Variants in GAL3ST2 observed in about 807,000 individuals in gnomAD.
GAL3ST2 encodes the protein beta-galactose-3-O-sulfotransferase 2.
GAL3ST2 carries 16 observed loss-of-function variants against 12.9 expected under a neutral mutation model. The ratio of observed to expected loss-of-function variants is 1.24; its 90% CI spans 0.84 to 1.88. GAL3ST2 has a LOEUF of 1.88. GAL3ST2 is among the 40% of genes most tolerant of loss of function. The pLI, the probability that GAL3ST2 is intolerant of heterozygous loss-of-function variation, is 0.00. For missense variants in GAL3ST2, 639 were observed against 571.8 expected (o/e 1.12, Z -1.20); for synonymous variants, 302 against 273.9 (o/e 1.10, Z -1.01).
At chr2:241,796,731 G>A (rs1699775763) in intron 1 of GAL3ST2, among the ~76,000 whole-genome samples, 1 of 152,204 alleles carries the variant, frequency 6.6e-6, no homozygotes, top group South Asian at 2.1e-4. Context: ...GGGAGACAGA[G>A]TGGTCCTGAC....
chr2:241,790,341 CT>C, intron 1 of GAL3ST2, among the ~76,000 whole-genome samples: 2 of 152,264 alleles, frequency 1.3e-5, no homozygotes, highest in East Asian at 3.9e-4. Context: ...ACTAAAGAAT[CT>C]TTTTGACCTT....
intron 1 of GAL3ST2, among the ~76,000 whole-genome samples, chr2:241,777,703 C>CT (rs1426481051): frequency 6.6e-6 from 1 of 152,212 alleles, no homozygotes; most frequent in Non-Finnish European, 1.5e-5. Context: ...AGGACACTGG[C>CT]TGAGGACACC....
At position 241,801,975 on chromosome 2, in the gene GAL3ST2, G is replaced by A. The variant is rs1357569849; in HGVS notation, c.314G>A (p.Gly105Asp). The change falls in exon 3 of 4, where the codon GGC becomes GAC. Residue 105 changes from glycine (G) to aspartate (D), a missense_variant. By Grantham distance (94) the Gly-to-Asp change is moderately conservative. Coordinates refer to ENST00000192314, the MANE Select transcript of GAL3ST2 (RefSeq NM_022134.3). This position sits in a 1 kb window ranked among gnomAD's most constrained non-coding sequence, Gnocchi z 4.4. Reference sequence around the variant, plus strand: ...CTCTTCCTGGCGCGCTACGTGGAAGGCGTGGGGTCGCAGCAGCGCTTCAAC... The same window carrying A: ...CTCTTCCTGGCGCGCTACGTGGAAGACGTGGGGTCGCAGCAGCGCTTCAAC... ...PWLFLARYVE[G>D]VGSQQRFNIM... 6.2e-7 allele frequency: 1 copy of A among 1,612,962 alleles called. No homozygotes were observed. Among genetic ancestry groups the A allele is most frequent in the African/African-American group, 1.3e-5 (1 of 75,046 alleles).
At position 241,801,726 on chromosome 2, in the gene GAL3ST2, CG is replaced by C. The variant is rs1699849941; in HGVS notation, c.120-50del. 13 of 1,545,074 alleles carry C rather than the reference CG, an allele frequency of 8.4e-6. No individual in the cohort carries two copies. In the African/African-American group the frequency reaches 1.1e-4, roughly 13 times the overall value. ...TGCCGGGCTGGGGGTCGCTGTTGGG[CG>C]GGGGTTGGGGCATCTGCACCCTTGC... On this transcript the variant is annotated intron_variant, in intron 2 of 3. Coordinates refer to ENST00000192314, the MANE Select transcript of GAL3ST2 (RefSeq NM_022134.3). This position sits in a 1 kb window ranked among gnomAD's most constrained non-coding sequence, Gnocchi z 4.4.
rs149986912 is a variant in GAL3ST2, at chr2:241,801,831, T to C, written c.170T>C (p.Leu57Pro). ...EGPPVTNIMFLKTHKTASSTV... is the reference protein window; with the variant it reads ...EGPPVTNIMFPKTHKTASSTV... ...CCGCCGGTCACCAACATCATGTTCC[T>C]GAAGACGCACAAGACGGCCAGCAGC... is the stretch of plus-strand genomic sequence containing the variant. Residue 57 changes from leucine to proline, a missense_variant, in exon 3 of 4, where the codon CTG becomes CCG. Transcript: ENST00000192314. This position sits in a 1 kb window ranked among gnomAD's most constrained non-coding sequence, Gnocchi z 4.4. 44 of 1,612,790 alleles carry C rather than the reference T, an allele frequency of 2.7e-5. No homozygotes were observed. Among genetic ancestry groups the C allele is most frequent in the Middle Eastern group, 1.6e-4 (1 of 6,082 alleles).
At chr2:241,792,082 C>A (rs1413889667) in intron 1 of GAL3ST2, among the ~76,000 whole-genome samples, 1 of 147,664 alleles carries the variant, frequency 6.8e-6, no homozygotes, top group African/African-American at 2.5e-5. Flanking sequence ...GGCATGATCT[C>A]GGCTCACTGC....
rs561034653 is a variant in GAL3ST2 at position 241,800,138 on chromosome 2, G to A, written c.119+984G>A. On this transcript the variant is annotated intron_variant, in intron 2 of 3. Transcript: ENST00000192314. The surrounding 1 kb of genome is among the most constrained non-coding windows in gnomAD (Gnocchi z 5.2). ...GGATGGGTCTGAGGACACTGTCTCC[G>A]TGGGGCCCTGAGGCTGGGGCTGAGG... is the stretch of plus-strand genomic sequence containing the variant. 1.3e-5 allele frequency among the ~76,000 whole-genome samples: 2 copies of A among 152,348 alleles called. No individual in the cohort carries two copies. The highest frequency in any genetic ancestry group is 1.5e-5 in the Non-Finnish European group (1 of 68,034).
intron 1 of GAL3ST2, among the ~76,000 whole-genome samples, chr2:241,779,670 A>C (rs1275412426): frequency 6.6e-6 from 1 of 151,926 alleles, no homozygotes; most frequent in African/African-American, 2.4e-5. Context: ...CTGAAGTCCA[A>C]ACATCAGTAG....
chr2:241,803,509 C>T lies in GAL3ST2; in HGVS notation c.540C>T (p.Asp180=), dbSNP rs1413344029. Residue 180 remains aspartate, a synonymous_variant, in exon 4 of 4, where the codon GAC becomes GAT. Transcript: ENST00000192314. ...CCTCGCCGCGGACGTTCTACAACGA[C>T]AGCCGCCACCTCAGGAACGTCTACG... is the stretch of plus-strand genomic sequence containing the variant. ...FLASPRTFYN[D]SRHLRNVYAK... is the part of the protein sequence containing the mutation. The T allele has an allele frequency of 5.0e-6, 8 of 1,611,248 alleles. No individual in the cohort carries two copies. Among genetic ancestry groups the T allele is most frequent in the East Asian group, 2.2e-5 (1 of 44,862 alleles).
chr2:241,790,802 C>G (rs1431081739), intron 1 of GAL3ST2, among the ~76,000 whole-genome samples: 1 of 152,186 alleles, frequency 6.6e-6, no homozygotes, highest in Non-Finnish European at 1.5e-5. Context: ...GCCAGGCACC[C>G]TTTTAGGTCT....
intron 1 of GAL3ST2, among the ~76,000 whole-genome samples, chr2:241,786,407 C>A (rs1699629235): frequency 6.6e-6 from 1 of 152,178 alleles, no homozygotes; most frequent in South Asian, 2.1e-4. Context: ...TGGTTGATAA[C>A]TTTAGCCAAG....
intron 1 of GAL3ST2, among the ~76,000 whole-genome samples, chr2:241,777,659 C>T (rs1575359620): frequency 6.6e-6 from 1 of 152,332 alleles, no homozygotes; most frequent in East Asian, 1.9e-4. Flanking sequence ...AATTCAGTTA[C>T]CTTCCTTTAA....
At chr2:241,777,752 C>T (rs1399027128) in intron 1 of GAL3ST2, among the ~76,000 whole-genome samples, 5 of 152,152 alleles carry the variant, frequency 3.3e-5, no homozygotes, top group Admixed American at 6.5e-5. Context: ...GGCTGCCTGG[C>T]CTGGACCATC....
chr2:241,795,318 A>C lies in GAL3ST2; in HGVS notation c.30-3747A>C, dbSNP rs913247820. Among the ~76,000 whole-genome samples the C allele has an allele frequency of 2.6e-5, 4 of 152,198 alleles. No homozygotes were observed. Among genetic ancestry groups the C allele is most frequent in the African/African-American group, 9.6e-5 (4 of 41,458 alleles). The stretch of plus-strand genomic sequence containing the variant: ...GCTGTAGCATTTCTCTGGAAACGTC[A>C]TTGTTTTAATTGGGCAGTTGCAAAG... On this transcript the variant is annotated intron_variant, in intron 1 of 3. Coordinates refer to ENST00000192314, the MANE Select transcript of GAL3ST2 (RefSeq NM_022134.3). The surrounding 1 kb of genome is among the most constrained non-coding windows in gnomAD (Gnocchi z 4.5).
chr2:241,801,641 C>G lies in GAL3ST2; in HGVS notation c.120-140C>G. 1 of 1,146,032 alleles carries G rather than the reference C, an allele frequency of 8.7e-7. No homozygotes were observed. The highest frequency in any genetic ancestry group is 1.5e-5 in the African/African-American group (1 of 64,534). 71.0% of individuals were successfully genotyped at this position (1,146,032 alleles called of 1,614,324 possible). On this transcript the variant is annotated intron_variant, in intron 2 of 3. Coordinates refer to ENST00000192314, the MANE Select transcript of GAL3ST2 (RefSeq NM_022134.3). The surrounding 1 kb of genome is among the most constrained non-coding windows in gnomAD (Gnocchi z 4.4). ...GATTGGGGCCATGGGTCGGTGCCTACCCAGTTGGCCCCCTGGCCTAGAGTT... is the reference window on the plus strand; with the variant it reads ...GATTGGGGCCATGGGTCGGTGCCTAGCCAGTTGGCCCCCTGGCCTAGAGTT...
chr2:241,796,540 C>T (rs550283030), intron 1 of GAL3ST2, among the ~76,000 whole-genome samples: 5 of 152,234 alleles, frequency 3.3e-5, no homozygotes, highest in South Asian at 2.1e-4. Context: ...CTGTGGTGAG[C>T]GGCTTCTGCA....
chr2:241,788,462 GTCT>G (rs1477630574), intron 1 of GAL3ST2, among the ~76,000 whole-genome samples: 1 of 152,040 alleles, frequency 6.6e-6, no homozygotes, highest in East Asian at 1.9e-4. Flanking sequence ...ATTCTAAAGG[GTCT>G]TCTTTATTGC....
rs560450395 is a variant in GAL3ST2 at position 241,784,638 on chromosome 2, A to G, written c.29+7654A>G. ...TCTAAGTACTTTTATTTTTTAAGCC[A>G]ATTAATTGAGCTCCTTTATATATTT... On this transcript the variant is annotated intron_variant, in intron 1 of 3. Transcript: ENST00000192314. Among the ~76,000 whole-genome samples, 12 of 152,324 alleles carry G rather than the reference A, an allele frequency of 7.9e-5. 1 individual carries two copies. Among genetic ancestry groups the G allele is most frequent in the African/African-American group, 2.9e-4 (12 of 41,580 alleles).
At position 241,801,842 on chromosome 2, in the gene GAL3ST2, A is replaced by G; in HGVS notation, c.181A>G (p.Lys61Glu). 2 of 1,612,944 alleles carry G rather than the reference A, an allele frequency of 1.2e-6. No homozygotes were observed. The highest frequency in any genetic ancestry group is 1.7e-6 in the Non-Finnish European group (2 of 1,179,952). The part of the protein sequence containing the change: ...VTNIMFLKTH[K>E]TASSTVLNIL... The stretch of plus-strand genomic sequence containing the variant: ...CAACATCATGTTCCTGAAGACGCAC[A>G]AGACGGCCAGCAGCACGGTGCTCAA... Residue 61 changes from lysine (K) to glutamate (E), a missense_variant, in exon 3 of 4, where the codon AAG becomes GAG. Physicochemically the swap from Lys to Glu is moderately conservative, Grantham distance 56. Coordinates refer to ENST00000192314, the MANE Select transcript of GAL3ST2 (RefSeq NM_022134.3). The surrounding 1 kb of genome is among the most constrained non-coding windows in gnomAD (Gnocchi z 4.4).
Sources: gnomAD v4.1 joint callset for allele counts (sites outside exome capture counted in the v4.1 genomes callset) on GRCh38, gnomAD v4.1.1 for gene constraint, Gnocchi (gnomAD v3.1) non-coding constraint, MANE v1.5 for transcripts, NCBI Gene and HGNC (gene_info 2026-07-23, HGNC 2026-07-21) for gene names.